Variants in RIT2 observed in about 807,000 individuals in gnomAD.
The protein encoded by RIT2 is GTP-binding protein Rit2.
Under a neutral mutation model 23.7 loss-of-function variants are expected in RIT2, and 24 were observed. That is an observed-to-expected ratio of 1.01 (90% confidence interval 0.73 to 1.43). The LOEUF (loss-of-function observed/expected upper bound fraction) is 1.43. Ranked by LOEUF, RIT2 falls within the 40% of genes most tolerant of loss-of-function variation. The pLI is 0.00. For synonymous variants in RIT2, 107 were observed against 91.1 expected (o/e 1.17, Z -0.99); for missense variants, 236 against 266.9 (o/e 0.88, Z 0.81).
intron 4 of RIT2, among the ~76,000 whole-genome samples, chr18:42,756,118 C>T (rs16976767): frequency 0.017 from 2,626 of 152,066 alleles, 76 homozygotes; most frequent in African/African-American, 0.06. Flanking sequence ...TGAATAAGAG[C>T]ACAATCAGAG....
At chr18:43,044,906 C>T (rs960783712) in intron 1 of RIT2, among the ~76,000 whole-genome samples, 1 of 152,158 alleles carries the variant, frequency 6.6e-6, no homozygotes, top group African/African-American at 2.4e-5. Context: ...ACTTTAAAAA[C>T]TCTATTCATC....
chr18:43,004,012 G>A (rs911502823), intron 2 of RIT2, among the ~76,000 whole-genome samples: 1 of 151,674 alleles, frequency 6.6e-6, no homozygotes. Flanking sequence ...AAGGATCTGG[G>A]TATGCTCTGT....
At chr18:42,942,275 G>T (rs908546273) in intron 3 of RIT2, among the ~76,000 whole-genome samples, 4 of 152,044 alleles carry the variant, frequency 2.6e-5, no homozygotes, top group Admixed American at 6.6e-5. Context: ...GTTGCTGCTG[G>T]CAGGACTCAA....
At chr18:43,011,906 C>A (rs989416660) in intron 2 of RIT2, among the ~76,000 whole-genome samples, 1 of 151,780 alleles carries the variant, frequency 6.6e-6, no homozygotes, top group African/African-American at 2.4e-5. Flanking sequence ...GTATTTTAAT[C>A]AGGAACATCA....
chr18:43,025,772 TAA>T (rs1292966297), intron 2 of RIT2, among the ~76,000 whole-genome samples: 1 of 152,094 alleles, frequency 6.6e-6, no homozygotes, highest in Non-Finnish European at 1.5e-5. Flanking sequence ...TTGTGAGAGC[TAA>T]ATATTGTGTA....
intron 4 of RIT2, among the ~76,000 whole-genome samples, chr18:42,904,376 A>G (rs1034953763): frequency 2.0e-5 from 3 of 152,144 alleles, no homozygotes; most frequent in Middle Eastern, 3.2e-3. Context: ...ATAGGGTCCC[A>G]TAAGTCTTTG....
chr18:42,982,125 C>A (rs929196120), intron 2 of RIT2, among the ~76,000 whole-genome samples: 1 of 152,054 alleles, frequency 6.6e-6, no homozygotes. Context: ...AAGGTTTAAC[C>A]TTTTTACATT....
intron 4 of RIT2, among the ~76,000 whole-genome samples, chr18:42,802,678 A>G (rs1905575299): frequency 6.6e-6 from 1 of 152,202 alleles, no homozygotes; most frequent in Non-Finnish European, 1.5e-5. Context: ...TTTTCAAACC[A>G]CATATGAAAG....
At chr18:43,071,972 G>T (rs1010027564) in intron 1 of RIT2, among the ~76,000 whole-genome samples, 5 of 107,014 alleles carry the variant, frequency 4.7e-5, no homozygotes, top group Non-Finnish European at 1.0e-4. Context: ...CTAGTGTTTT[G>T]TTGTTGTTGT....
chr18:42,750,740 C>G (rs1297398522), intron 4 of RIT2, among the ~76,000 whole-genome samples: 1 of 151,696 alleles, frequency 6.6e-6, no homozygotes, highest in Non-Finnish European at 1.5e-5. Flanking sequence ...AAATTGTAGA[C>G]TTGTATTAGT....
At chr18:42,777,809 A>G (rs1000220506) in intron 4 of RIT2, among the ~76,000 whole-genome samples, 1 of 152,224 alleles carries the variant, frequency 6.6e-6, no homozygotes, top group African/African-American at 2.4e-5. Flanking sequence ...TGTTTAACTT[A>G]AATAGCTAGT....
At chr18:43,057,126 A>G (rs1355014932) in intron 1 of RIT2, among the ~76,000 whole-genome samples, 2 of 151,928 alleles carry the variant, frequency 1.3e-5, no homozygotes, top group Non-Finnish European at 2.9e-5. Context: ...ATTGAGTTAT[A>G]TATTTCTTCA....
chr18:42,860,061 T>C (rs570238490), intron 4 of RIT2, among the ~76,000 whole-genome samples: 31 of 152,308 alleles, frequency 2.0e-4, no homozygotes, highest in African/African-American at 7.5e-4. Context: ...CAAATGTCAC[T>C]GATTATTTTT....
intron 4 of RIT2, among the ~76,000 whole-genome samples, chr18:42,764,616 T>A (rs1298050463): frequency 6.6e-6 from 1 of 152,216 alleles, no homozygotes; most frequent in Admixed American, 6.5e-5. Context: ...ATAGATTAGA[T>A]GTCCTCTTTC....
At chr18:42,931,486 G>GA (rs1434175404) in intron 3 of RIT2, among the ~76,000 whole-genome samples, 1 of 152,236 alleles carries the variant, frequency 6.6e-6, no homozygotes, top group East Asian at 1.9e-4. Flanking sequence ...AAGGGAGGAG[G>GA]AAAGAGGAAT....
chr18:42,938,335 TTCG>T (rs1235561845), intron 3 of RIT2, among the ~76,000 whole-genome samples: 1 of 152,068 alleles, frequency 6.6e-6, no homozygotes, highest in Non-Finnish European at 1.5e-5. Flanking sequence ...ACCGAACAAG[TTCG>T]AACACATCTA....
intron 1 of RIT2, among the ~76,000 whole-genome samples, chr18:43,058,917 A>C (rs1368136826): frequency 6.6e-6 from 1 of 151,976 alleles, no homozygotes; most frequent in Non-Finnish European, 1.5e-5. Flanking sequence ...CTTATTTTTC[A>C]ATACATTGAA....
At chr18:42,986,153 C>T (rs997395773) in intron 2 of RIT2, among the ~76,000 whole-genome samples, 5 of 151,510 alleles carry the variant, frequency 3.3e-5, no homozygotes, top group Middle Eastern at 3.2e-3. Flanking sequence ...AATTCTCCTG[C>T]CTCGGCCTCC....
chr18:43,019,798 G>T lies in RIT2; in HGVS notation c.160+14013C>A, dbSNP rs561107655. Among the ~76,000 whole-genome samples, 74 of 152,036 alleles carry T rather than the reference G, an allele frequency of 4.9e-4. 1 individual carries two copies. The highest frequency in any genetic ancestry group is 9.0e-4 in the Non-Finnish European group (61 of 67,940). On this transcript the variant is annotated intron_variant, in intron 2 of 4. Coordinates refer to ENST00000326695, the MANE Select transcript of RIT2 (RefSeq NM_002930.4). ...ATATTTAGAAAACCCTAAAGACTCC[G>T]CTAGAATACACTTAGATCTGATAAA...
Sources: allele counts gnomAD v4.1 joint callset (sites outside exome capture counted in the v4.1 genomes callset), GRCh38; gene constraint gnomAD v4.1.1; transcripts MANE v1.5; gene names NCBI Gene and HGNC (gene_info 2026-07-23, HGNC 2026-07-21).